TMEM217B: variants seen among roughly 807,000 people sequenced by gnomAD.
TMEM217B encodes the protein transmembrane protein 217B, also known as putative transmembrane protein 217B.
chr6:37,255,421 C>T, the TMEM217B span, among the ~76,000 whole-genome samples: 8 of 152,138 alleles, frequency 5.3e-5, no homozygotes, highest in African/African-American at 1.9e-4. Flanking sequence ...ATGGCTCCCA[C>T]CTGTAATACT....
the TMEM217B span, among the ~76,000 whole-genome samples, chr6:37,235,896 A>G: frequency 6.6e-6 from 1 of 152,204 alleles, no homozygotes; most frequent in African/African-American, 2.4e-5. Context: ...CAAAGTCCCT[A>G]TCTCTTAATA....
At chr6:37,249,897 A>C in the TMEM217B span, among the ~76,000 whole-genome samples, 8 of 152,216 alleles carry the variant, frequency 5.3e-5, no homozygotes, top group Non-Finnish European at 7.4e-5. Context: ...TTCCACTTCC[A>C]TGTCAACAAC....
the TMEM217B span, chr6:37,257,821 G>A: frequency 7.2e-7 from 1 of 1,390,622 alleles, no homozygotes; most frequent in Non-Finnish European, 9.8e-7. Flanking sequence ...CCGGCGGCGG[G>A]GAAGCGGCCT....
At chr6:37,222,409 G>A in the TMEM217B span, among the ~76,000 whole-genome samples, 2 of 152,236 alleles carry the variant, frequency 1.3e-5, no homozygotes, top group African/African-American at 2.4e-5. Flanking sequence ...AGACATCCGG[G>A]AGCCTGCAGG....
chr6:37,244,304 G>A, the TMEM217B span, among the ~76,000 whole-genome samples: 515 of 152,356 alleles, frequency 3.4e-3, 2 homozygotes, highest in African/African-American at 0.011. Flanking sequence ...TTCTCTTACT[G>A]TCGTAGTTTT....
At chr6:37,257,898 G>T in the TMEM217B span, 3 of 1,612,704 alleles carry the variant, frequency 1.9e-6, no homozygotes, top group South Asian at 3.3e-5. Context: ...CGCCTACAAG[G>T]ACTTCCCCCG....
chr6:37,217,722 C>T, the TMEM217B span: 5 of 985,210 alleles, frequency 5.1e-6, no homozygotes, highest in South Asian at 9.4e-5. Flanking sequence ...ACAAACCCAC[C>T]CCAGGGCCAA....
chr6:37,235,461 G>C, the TMEM217B span, among the ~76,000 whole-genome samples: 1 of 152,064 alleles, frequency 6.6e-6, no homozygotes, highest in South Asian at 2.1e-4. Flanking sequence ...CGCCTCCCAG[G>C]TTCACGCCAT....
At chr6:37,232,941 A>G in the TMEM217B span, among the ~76,000 whole-genome samples, 4 of 152,138 alleles carry the variant, frequency 2.6e-5, no homozygotes, top group Admixed American at 1.3e-4. Context: ...GCACAAACCA[A>G]GACTGTTCTC....
chr6:37,214,603 C>T, the TMEM217B span, among the ~76,000 whole-genome samples: 2 of 152,176 alleles, frequency 1.3e-5, no homozygotes, highest in Admixed American at 6.5e-5. Flanking sequence ...TCTCCTCTTC[C>T]CCCGCTCCCT....
chr6:37,243,796 G>T, the TMEM217B span, among the ~76,000 whole-genome samples: 3 of 152,156 alleles, frequency 2.0e-5, no homozygotes, highest in African/African-American at 7.2e-5. Context: ...GTGAGCAGAG[G>T]ACTAGGGAAT....
the TMEM217B span, among the ~76,000 whole-genome samples, chr6:37,232,163 T>C: frequency 2.6e-5 from 4 of 152,322 alleles, no homozygotes; most frequent in African/African-American, 9.6e-5. Flanking sequence ...ATTTGATTAA[T>C]GGGTACAAAA....
chr6:37,218,155 G>A, the TMEM217B span: 1 of 1,161,420 alleles, frequency 8.6e-7, no homozygotes, highest in Non-Finnish European at 1.1e-6. Context: ...TATAGTGGTG[G>A]ATAAAGCTGC....
chr6:37,219,541 G>A, the TMEM217B span, among the ~76,000 whole-genome samples: 33 of 152,258 alleles, frequency 2.2e-4, no homozygotes, highest in African/African-American at 7.7e-4. Context: ...AGCAGTTCAA[G>A]ACCAGCCTGG....
chr6:37,225,669 C>A, the TMEM217B span, among the ~76,000 whole-genome samples: 2 of 152,212 alleles, frequency 1.3e-5, no homozygotes, highest in South Asian at 2.1e-4. Flanking sequence ...TGGTCTATCC[C>A]TAGCAAAGAC....
chr6:37,212,973 A>G, the TMEM217B span: 3 of 1,546,896 alleles, frequency 1.9e-6, no homozygotes, highest in Non-Finnish European at 2.6e-6. Flanking sequence ...CATTCATTTT[A>G]TACTTGTTTT....
At chr6:37,218,140 T>G in the TMEM217B span, 8 of 1,098,120 alleles carry the variant, frequency 7.3e-6, no homozygotes, top group Non-Finnish European at 8.9e-6. Flanking sequence ...GCCAACATGA[T>G]TGCTTATAGT....
the TMEM217B span, among the ~76,000 whole-genome samples, chr6:37,246,885 AG>A: frequency 3.5e-5 from 5 of 143,820 alleles, no homozygotes; most frequent in African/African-American, 1.3e-4. Context: ...CCTGGGCAAC[AG>A]AGCAAGACTC....
At chr6:37,243,655 A>G in the TMEM217B span, among the ~76,000 whole-genome samples, 2 of 152,048 alleles carry the variant, frequency 1.3e-5, no homozygotes, top group African/African-American at 2.4e-5. Flanking sequence ...CTGGAGTGCA[A>G]TGGCATGATC....
Sources: gnomAD v4.1 joint callset for allele counts (sites outside exome capture counted in the v4.1 genomes callset) on GRCh38, gnomAD v4.1.1 for gene constraint, MANE v1.5 for transcripts, NCBI Gene and HGNC (gene_info 2026-07-23, HGNC 2026-07-21) for gene names.